NELL1: variants seen among roughly 807,000 people sequenced by gnomAD.
The protein encoded by NELL1 is neural EGFL like 1, also known as protein kinase C-binding protein NELL1.
Under a neutral mutation model 107.4 loss-of-function variants are expected in NELL1, and 76 were observed. The observed-to-expected ratio is 0.71, with a 90% CI of 0.59 to 0.86. The LOEUF is 0.86. Among genes scored for constraint, NELL1 ranks in the 40% least tolerant of loss-of-function variants. The pLI is 0.00. For missense variants in NELL1, 1,024 were observed against 1,005.5 expected, an observed-to-expected ratio of 1.02 and a Z score of -0.25; for synonymous variants, 353 against 341.2, an observed-to-expected ratio of 1.03 and a Z score of -0.38.
intron 11 of NELL1, among the ~76,000 whole-genome samples, chr11:20,959,891 A>T (rs1851254870): frequency 6.6e-6 from 1 of 152,194 alleles, no homozygotes; most frequent in East Asian, 1.9e-4. Context: ...AAATGGGCAA[A>T]GCTAAATGGT....
intron 15 of NELL1, among the ~76,000 whole-genome samples, chr11:21,439,817 C>G (rs1251676295): frequency 6.6e-6 from 1 of 152,060 alleles, no homozygotes; most frequent in Admixed American, 6.6e-5. Context: ...CTGGAATTTA[C>G]CTGAGAACAC....
intron 3 of NELL1, among the ~76,000 whole-genome samples, chr11:20,807,034 G>A (rs1196722592): frequency 6.6e-6 from 1 of 150,744 alleles, no homozygotes; most frequent in African/African-American, 2.4e-5. Flanking sequence ...CTCTGGGTTT[G>A]ATCCTTGGTG....
At chr11:21,074,685 T>A (rs913115787) in intron 12 of NELL1, among the ~76,000 whole-genome samples, 1 of 152,168 alleles carries the variant, frequency 6.6e-6, no homozygotes, top group African/African-American at 2.4e-5. Flanking sequence ...GTGTTTTTTT[T>A]TTAAAGCAGA....
chr11:20,885,439 T>C lies in NELL1; in HGVS notation c.507-5T>C. On this transcript the variant is annotated splice_region_variant and splice_polypyrimidine_tract_variant and intron_variant, in intron 4 of 19. Transcript: ENST00000357134. ...TATTAGTAACTGTGTTCTTTGCCTT[T>C]ACAGGATTTATGAGCGTGTGATAGA... The C allele has an allele frequency of 1.3e-6, 2 of 1,592,666 alleles. No homozygotes were observed. Among genetic ancestry groups the C allele is most frequent in the Non-Finnish European group, 1.7e-6 (2 of 1,160,502 alleles).
chr11:20,899,565 A>G (rs1254442682), intron 5 of NELL1, among the ~76,000 whole-genome samples: 1 of 152,122 alleles, frequency 6.6e-6, no homozygotes, highest in Non-Finnish European at 1.5e-5. Flanking sequence ...AAGTTAGAAA[A>G]AGAACAACAG....
At chr11:21,528,511 A>AG (rs1855912370) in intron 15 of NELL1, among the ~76,000 whole-genome samples, 3 of 46,314 alleles carry the variant, frequency 6.5e-5, no homozygotes, top group Non-Finnish European at 1.3e-4. Context: ...GCACATACCC[A>AG]CCCCCCCCCC....
intron 13 of NELL1, among the ~76,000 whole-genome samples, chr11:21,121,370 G>A (rs915141257): frequency 6.6e-6 from 1 of 152,160 alleles, no homozygotes; most frequent in African/African-American, 2.4e-5. Flanking sequence ...AGATGTATAA[G>A]ACGCTGGATA....
intron 12 of NELL1, among the ~76,000 whole-genome samples, chr11:21,104,169 G>C (rs1207695352): frequency 6.6e-6 from 1 of 152,196 alleles, no homozygotes; most frequent in Non-Finnish European, 1.5e-5. Context: ...GGTACCATCA[G>C]TTGAAGCAGA....
intron 12 of NELL1, among the ~76,000 whole-genome samples, chr11:21,025,650 A>G (rs1296065581): frequency 1.3e-5 from 2 of 151,994 alleles, no homozygotes; most frequent in Non-Finnish European, 2.9e-5. Flanking sequence ...TTCTGTTTAT[A>G]CTCACTCCCT....
At chr11:21,126,116 G>C (rs938515662) in intron 13 of NELL1, among the ~76,000 whole-genome samples, 4 of 152,154 alleles carry the variant, frequency 2.6e-5, no homozygotes, top group African/African-American at 9.7e-5. Context: ...TAGGCTAGTT[G>C]GTGGTGAGGC....
At chr11:21,200,134 G>T (rs1857235917) in intron 13 of NELL1, among the ~76,000 whole-genome samples, 1 of 152,154 alleles carries the variant, frequency 6.6e-6, no homozygotes, top group Admixed American at 6.5e-5. Flanking sequence ...ATAGTAGAAT[G>T]ATTTACAGTC....
intron 15 of NELL1, among the ~76,000 whole-genome samples, chr11:21,427,205 T>C (rs1852844424): frequency 6.6e-6 from 1 of 152,180 alleles, no homozygotes; most frequent in African/African-American, 2.4e-5. Flanking sequence ...AGAATAAGGG[T>C]TCTGCATTTC....
At chr11:20,847,478 C>T in intron 3 of NELL1, 105 bp from the exon 4 acceptor site, 1 of 1,188,652 alleles carries the variant, frequency 8.4e-7, no homozygotes, top group African/African-American at 1.5e-5. Flanking sequence ...CCATGTTTAG[C>T]TAATTTTAGA....
chr11:21,409,754 G>A (rs1358343646), intron 15 of NELL1, among the ~76,000 whole-genome samples: 3 of 151,934 alleles, frequency 2.0e-5, no homozygotes, highest in African/African-American at 7.2e-5. Context: ...AAACTGGTCA[G>A]ATTTTACCTT....
intron 12 of NELL1, among the ~76,000 whole-genome samples, chr11:21,109,076 C>T (rs1036030242): frequency 7.2e-5 from 11 of 152,026 alleles, no homozygotes; most frequent in African/African-American, 2.7e-4. Flanking sequence ...TGATTTTGTA[C>T]TTGGGCAAGT....
At chr11:20,987,730 G>A (rs1014291562) in intron 12 of NELL1, among the ~76,000 whole-genome samples, 5 of 152,090 alleles carry the variant, frequency 3.3e-5, no homozygotes, top group Admixed American at 1.3e-4. Flanking sequence ...AACCATATCA[G>A]AAACTTAAAT....
chr11:20,716,144 T>C (rs368642345), intron 2 of NELL1, among the ~76,000 whole-genome samples: 3 of 152,148 alleles, frequency 2.0e-5, no homozygotes, highest in Middle Eastern at 3.2e-3. Context: ...AGTCTCATGC[T>C]TACAGTCTGT....
At chr11:21,412,022 C>A (rs1852390975) in intron 15 of NELL1, among the ~76,000 whole-genome samples, 1 of 151,982 alleles carries the variant, frequency 6.6e-6, no homozygotes, top group Non-Finnish European at 1.5e-5. Context: ...CACCCCAGGC[C>A]ATAGTAGGAG....
chr11:21,369,324 A>G (rs2133750855), intron 14 of NELL1, among the ~76,000 whole-genome samples: 1 of 140,046 alleles, frequency 7.1e-6, no homozygotes, highest in East Asian at 2.1e-4. Flanking sequence ...TATTTTATAT[A>G]TTTCGTTTTC....
Sources: allele counts gnomAD v4.1 joint callset (sites outside exome capture counted in the v4.1 genomes callset), GRCh38; gene constraint gnomAD v4.1.1; transcripts MANE v1.5; gene names NCBI Gene and HGNC (gene_info 2026-07-23, HGNC 2026-07-21).